The following NRK variants were observed in gnomAD, a reference collection of about 807,000 sequenced individuals.
NRK encodes nik-related protein kinase.
NRK carries 67 observed loss-of-function variants against 125.2 expected under a neutral mutation model. The observed-to-expected ratio is 0.54, with a 90% CI of 0.44 to 0.66. The LOEUF (loss-of-function observed/expected upper bound fraction) is 0.66, where lower values mean the gene tolerates loss of function less well. Among genes scored for constraint, NRK ranks in the 30% least tolerant of loss-of-function variants. NRK has a pLI of 0.00. For synonymous variants in NRK, 458 were observed against 429.0 expected, an observed-to-expected ratio of 1.07 and a Z score of -0.84; for missense variants, 1,224 against 1,192.9, an observed-to-expected ratio of 1.03 and a Z score of -0.38.
At chrX:105,935,674 C>A (rs2040654736) in intron 21 of NRK, among the ~76,000 whole-genome samples, 1 of 108,796 alleles carries the variant, frequency 9.2e-6, no homozygotes, top group African/African-American at 3.3e-5. Context: ...CCTGTAATCC[C>A]AGCTACTTGG....
At chrX:105,885,465 T>C (rs2039931864) in intron 4 of NRK, among the ~76,000 whole-genome samples, 1 of 112,774 alleles carries the variant, frequency 8.9e-6, no homozygotes, top group Non-Finnish European at 1.9e-5. Context: ...TTTAACAATT[T>C]AAGTTGTCTT....
chrX:105,839,016 G>A (rs1414995865), intron 2 of NRK, among the ~76,000 whole-genome samples: 1 of 111,055 alleles, frequency 9.0e-6, no homozygotes, highest in African/African-American at 3.3e-5. Flanking sequence ...ATATTTTCTG[G>A]ATTTGAAGTT....
chrX:105,860,264 G>A (rs1442027493), intron 2 of NRK, among the ~76,000 whole-genome samples: 2 of 111,031 alleles, frequency 1.8e-5, no homozygotes, highest in African/African-American at 6.5e-5. Flanking sequence ...TCCAGAGATT[G>A]ACCATGCATT....
chrX:105,940,226 A>G (rs904098126), intron 23 of NRK, among the ~76,000 whole-genome samples, 194 bp downstream of exon 23: 2 of 111,295 alleles, frequency 1.8e-5, no homozygotes, highest in African/African-American at 3.3e-5. Context: ...TTTCACTGAC[A>G]CATCTTCCAG....
chrX:105,886,190 C>T (rs1157002550), intron 4 of NRK, among the ~76,000 whole-genome samples: 1 of 109,450 alleles, frequency 9.1e-6, no homozygotes, highest in African/African-American at 3.3e-5. Context: ...GAGTGCCAGA[C>T]CCATATATCC....
At chrX:105,951,065 A>G (rs1314694057) in intron 27 of NRK, among the ~76,000 whole-genome samples, 1 of 109,039 alleles carries the variant, frequency 9.2e-6, no homozygotes, top group African/African-American at 3.3e-5. Context: ...AACCTGCTCC[A>G]ATTTCCTCAA....
chrX:105,906,430 A>G lies in NRK; in HGVS notation c.862A>G (p.Asn288Asp). 1 of 1,162,520 alleles carries G rather than the reference A, an allele frequency of 8.6e-7. No homozygotes were observed. The highest frequency in any genetic ancestry group is 1.2e-6 in the Non-Finnish European group (1 of 865,236). Residue 288 changes from asparagine (N) to aspartate (D), a missense_variant, in exon 11 of 29, where the codon AAT becomes GAT. Coordinates refer to ENST00000243300, the MANE Select transcript of NRK (RefSeq NM_198465.4). Reference sequence around the variant, plus strand: ...ATTTTTTAGGTCCCGTAAGTTCCACAATTTCATGGAAAAGTGTACGATAAA... The same window carrying G: ...ATTTTTTAGGTCCCGTAAGTTCCACGATTTCATGGAAAAGTGTACGATAAA... Reference protein sequence around the residue: ...KSSGWSRKFHNFMEKCTIKNF... With the variant: ...KSSGWSRKFHDFMEKCTIKNF...
In NRK at chrX:105,822,655, C is replaced by T; in HGVS notation, c.-191C>T. 1 of 479,598 alleles carries T rather than the reference C, an allele frequency of 2.1e-6. No individual in the cohort carries two copies. Among genetic ancestry groups the T allele is most frequent in the Non-Finnish European group, 3.6e-6 (1 of 274,580 alleles). 39.5% of individuals were successfully genotyped at this position (479,598 alleles called of 1,213,427 possible). A position where few individuals can be genotyped will look rare whatever the true frequency, so the allele number is the denominator to read the frequency against. On this transcript the variant is annotated 5_prime_UTR_variant, in exon 1 of 29. Transcript: ENST00000243300. The stretch of plus-strand genomic sequence containing the variant: ...TTTCCCGCCTCGCAAACTCCGGTTT[C>T]CCTCCACTCCCAACTCTTTTCACTA...
Position 105,937,560 on chromosome X carries a change from C to G in NRK, c.3777C>G (p.Leu1259=). ...PFRQIQVLEP[L]NLLITISGHK... is the part of the protein sequence containing the mutation. ...GCCAGATTCAAGTCTTAGAGCCACT[C>G]AATTTGCTGATTACCATCTCAGGTT... Residue 1259 remains leucine, a synonymous_variant, in exon 22 of 29, where the codon CTC becomes CTG. Transcript: ENST00000243300. 1.7e-6 allele frequency: 2 copies of G among 1,198,477 alleles called. No individual in the cohort carries two copies. The highest frequency in any genetic ancestry group is 2.3e-6 in the Non-Finnish European group (2 of 887,966).
intron 24 of NRK, 100 bp downstream of exon 24, chrX:105,944,141 C>T: frequency 2.2e-6 from 1 of 451,999 alleles, no homozygotes; most frequent in Non-Finnish European, 3.7e-6. Flanking sequence ...AAGTATATAC[C>T]ATTCTTCTAT....
Position 105,933,978 on chromosome X carries a change from A to T in NRK, c.3313-280A>T, listed in dbSNP as rs777039639. On this transcript the variant is annotated intron_variant, in intron 19 of 28. Coordinates refer to ENST00000243300, the MANE Select transcript of NRK (RefSeq NM_198465.4). ...ATCTAAATATCATGCTTAGCACAGT[A>T]GCTGATACATGGTAAAAATTCCACA... Among the ~76,000 whole-genome samples, 4 of 112,071 alleles carry T rather than the reference A, an allele frequency of 3.6e-5. No individual in the cohort carries two copies. The East Asian group carries it at 1.1e-3, about 32-fold the overall frequency.
intron 2 of NRK, among the ~76,000 whole-genome samples, chrX:105,872,631 G>A (rs2039762513): frequency 1.8e-5 from 2 of 111,323 alleles, no homozygotes; most frequent in African/African-American, 3.3e-5. Context: ...GATCCCATCT[G>A]TCCCTTTGGG....
chrX:105,821,929 C>A (rs904880174), upstream of NRK, among the ~76,000 whole-genome samples: 3 of 111,869 alleles, frequency 2.7e-5, no homozygotes, highest in Admixed American at 2.8e-4. Flanking sequence ...TGCTCTTGCC[C>A]TCGGCTAATG....
intron 2 of NRK, among the ~76,000 whole-genome samples, chrX:105,863,361 C>G (rs868278269): frequency 3.3e-5 from 3 of 91,483 alleles, no homozygotes; most frequent in Non-Finnish European, 6.9e-5. Context: ...CACACACATA[C>G]TATTTTAAAG....
chrX:105,938,930 G>T (rs1383907086), intron 22 of NRK, among the ~76,000 whole-genome samples: 1 of 111,369 alleles, frequency 9.0e-6, no homozygotes, highest in Non-Finnish European at 1.9e-5. Context: ...GCAAGGAGAA[G>T]TGCAGAGCGA....
At chrX:105,827,540 T>A (rs768266606) in intron 1 of NRK, among the ~76,000 whole-genome samples, 4 of 111,355 alleles carry the variant, frequency 3.6e-5, no homozygotes, top group East Asian at 5.7e-4. Flanking sequence ...CTCCCATCCC[T>A]GGCTTTTATT....
At chrX:105,846,014 G>T (rs752561229) in intron 2 of NRK, among the ~76,000 whole-genome samples, 24 of 111,088 alleles carry the variant, frequency 2.2e-4, no homozygotes, top group African/African-American at 7.5e-4. Flanking sequence ...GGTCACTCTG[G>T]GTTTATTTTT....
chrX:105,871,252 G>A lies in NRK; in HGVS notation c.124-8947G>A, dbSNP rs188513821. Among the ~76,000 whole-genome samples the A allele has an allele frequency of 2.7e-5, 3 of 111,498 alleles. No homozygotes were observed. In the East Asian group the frequency reaches 8.6e-4, roughly 32 times the overall value. On this transcript the variant is annotated intron_variant, in intron 2 of 28. Coordinates refer to ENST00000243300, the MANE Select transcript of NRK (RefSeq NM_198465.4). ...GCTTCTTCATTGAGGCCCTCTGACT[G>A]AATAGAGTTGTGAAAAATTTTGGGT...
intron 2 of NRK, among the ~76,000 whole-genome samples, chrX:105,870,576 A>C (rs916909127): frequency 1.8e-5 from 2 of 111,955 alleles, no homozygotes; most frequent in Non-Finnish European, 3.8e-5. Flanking sequence ...AGAACACAGA[A>C]CTTTATTGTC....
Sources: allele counts gnomAD v4.1 joint callset (sites outside exome capture counted in the v4.1 genomes callset), GRCh38; gene constraint gnomAD v4.1.1; transcripts MANE v1.5; gene names NCBI Gene and HGNC (gene_info 2026-07-23, HGNC 2026-07-21).